LTBP1: variants seen among roughly 807,000 people sequenced by gnomAD.
LTBP1 encodes the protein latent transforming growth factor beta binding protein 1.
LTBP1 carries 129 observed loss-of-function variants against 207.6 expected under a neutral mutation model. The ratio of observed to expected loss-of-function variants is 0.62; its 90% CI spans 0.54 to 0.72. LTBP1 has a LOEUF of 0.72. Among genes scored for constraint, LTBP1 ranks in the 30% least tolerant of loss-of-function variants. The pLI is 0.00. For synonymous variants in LTBP1, 963 were observed against 833.7 expected (o/e 1.16, Z -2.67); for missense variants, 2,281 against 2,217.2 (o/e 1.03, Z -0.58).
chr2:33,357,089 C>T (rs944624659), intron 26 of LTBP1, among the ~76,000 whole-genome samples: 8 of 152,190 alleles, frequency 5.3e-5, no homozygotes, highest in Non-Finnish European at 1.5e-5. Flanking sequence ...TCCACTTTGA[C>T]CAACTACATG....
At chr2:33,381,111 CTT>C (rs955056956) in intron 31 of LTBP1, among the ~76,000 whole-genome samples, 1 of 152,170 alleles carries the variant, frequency 6.6e-6, no homozygotes, top group Admixed American at 6.5e-5. Context: ...AGTCTTGTCT[CTT>C]ATCAATTTTA....
chr2:33,090,630 G>A (rs2079026763), intron 3 of LTBP1, among the ~76,000 whole-genome samples: 1 of 152,112 alleles, frequency 6.6e-6, no homozygotes, highest in Admixed American at 6.5e-5. Flanking sequence ...TTTGTCCGTG[G>A]TTGTGTAACT....
At chr2:32,969,710 A>G (rs1177844411) in intron 2 of LTBP1, among the ~76,000 whole-genome samples, 4 of 152,120 alleles carry the variant, frequency 2.6e-5, no homozygotes, top group South Asian at 2.1e-4. Flanking sequence ...TGCATTTGCT[A>G]TCGTGAATAG....
At chr2:33,068,074 G>A (rs1572474859) in intron 3 of LTBP1, among the ~76,000 whole-genome samples, 1 of 148,378 alleles carries the variant, frequency 6.7e-6, no homozygotes, top group South Asian at 2.1e-4. Flanking sequence ...TACACAAATA[G>A]GTGTGTGAAA....
intron 3 of LTBP1, among the ~76,000 whole-genome samples, chr2:33,096,760 GTAGCTGAGC>G (rs2079419102): frequency 6.6e-6 from 1 of 152,170 alleles, no homozygotes; most frequent in Admixed American, 6.5e-5. Context: ...GTGACAGAAA[GTAGCTGAGC>G]ACAGGAAAGT....
At chr2:33,376,574 C>T (rs2095142289) in intron 31 of LTBP1, among the ~76,000 whole-genome samples, 1 of 152,246 alleles carries the variant, frequency 6.6e-6, no homozygotes. Flanking sequence ...CTTCTTGCTT[C>T]CGTGCTAACG....
At chr2:33,375,874 C>T (rs2095134129) in intron 31 of LTBP1, among the ~76,000 whole-genome samples, 1 of 151,852 alleles carries the variant, frequency 6.6e-6, no homozygotes, top group African/African-American at 2.4e-5. Context: ...TCAATGTACT[C>T]AATTTTTAAA....
intron 24 of LTBP1, among the ~76,000 whole-genome samples, chr2:33,333,646 G>A (rs923349257): frequency 6.6e-6 from 1 of 152,062 alleles, no homozygotes; most frequent in Non-Finnish European, 1.5e-5. Flanking sequence ...GTAAAAAAAC[G>A]AAGCAATTTT....
At chr2:33,122,774 G>A (rs1232988951) in intron 4 of LTBP1, among the ~76,000 whole-genome samples, 3 of 152,106 alleles carry the variant, frequency 2.0e-5, no homozygotes, top group Non-Finnish European at 4.4e-5. Context: ...TTACTGAACT[G>A]TGTCTTAGCC....
At chr2:32,948,688 T>C (rs1371952932) in intron 1 of LTBP1, among the ~76,000 whole-genome samples, 187 bp from the exon 2 acceptor site, 2 of 152,170 alleles carry the variant, frequency 1.3e-5, no homozygotes, top group African/African-American at 2.4e-5. Flanking sequence ...TTCCCTGATA[T>C]ATGTATGGGC....
At chr2:32,962,968 C>T (rs1273628154) in intron 2 of LTBP1, among the ~76,000 whole-genome samples, 1 of 152,262 alleles carries the variant, frequency 6.6e-6, no homozygotes, top group East Asian at 1.9e-4. Context: ...CTCCTCCTCC[C>T]TTTCCACATC....
At chr2:33,324,510 G>T (rs920479654) in intron 24 of LTBP1, among the ~76,000 whole-genome samples, 3 of 152,002 alleles carry the variant, frequency 2.0e-5, no homozygotes, top group Non-Finnish European at 4.4e-5. Flanking sequence ...GAAAAGGAAT[G>T]ATTGCATTGT....
intron 5 of LTBP1, among the ~76,000 whole-genome samples, chr2:33,175,216 A>G (rs1213541275): frequency 2.0e-5 from 3 of 151,372 alleles, no homozygotes; most frequent in Admixed American, 6.6e-5. Context: ...CAGAGTGAAC[A>G]GGCAACCTAC....
chr2:33,291,491 A>ACTTTGG (rs2093773764), intron 19 of LTBP1: 2 of 152,126 alleles, frequency 1.3e-5, no homozygotes, highest in Non-Finnish European at 2.9e-5. Flanking sequence ...CCCATTATTT[A>ACTTTGG]CTTTGGCTCC....
chr2:33,029,531 A>G (rs2075591264), intron 3 of LTBP1, among the ~76,000 whole-genome samples: 1 of 152,214 alleles, frequency 6.6e-6, no homozygotes, highest in Non-Finnish European at 1.5e-5. Flanking sequence ...AAAGAGAACA[A>G]AAATTAGGGA....
At chr2:33,101,741 A>AT (rs1219679428) in intron 3 of LTBP1, among the ~76,000 whole-genome samples, 2 of 152,120 alleles carry the variant, frequency 1.3e-5, no homozygotes, top group African/African-American at 2.4e-5. Flanking sequence ...GATGGCTACA[A>AT]TTTCTTTTTA....
At chr2:33,361,251 A>T (rs921931782) in intron 27 of LTBP1, among the ~76,000 whole-genome samples, 178 bp from the exon 28 acceptor site, 5 of 152,208 alleles carry the variant, frequency 3.3e-5, no homozygotes, top group Non-Finnish European at 5.9e-5. Flanking sequence ...AGTGTAAGAA[A>T]ACCTATGAAG....
chr2:33,255,484 A>G (rs1369261819), intron 11 of LTBP1, among the ~76,000 whole-genome samples: 2 of 152,178 alleles, frequency 1.3e-5, no homozygotes, highest in African/African-American at 2.4e-5. Context: ...ATTACTGGAT[A>G]TATACCCAAA....
intron 7 of LTBP1, among the ~76,000 whole-genome samples, chr2:33,206,969 C>T (rs1329154462): frequency 6.6e-6 from 1 of 152,054 alleles, no homozygotes; most frequent in African/African-American, 2.4e-5. Flanking sequence ...TGTTTTGCCC[C>T]AAGGAAAGGC....
Sources: allele counts gnomAD v4.1 joint callset (sites outside exome capture counted in the v4.1 genomes callset), GRCh38; gene constraint gnomAD v4.1.1; transcripts MANE v1.5; gene names NCBI Gene and HGNC (gene_info 2026-07-23, HGNC 2026-07-21).